RBFOX1: variants seen among roughly 807,000 people sequenced by gnomAD.
RBFOX1 encodes RNA binding fox-1 homolog 1, also known as RNA binding protein fox-1 homolog 1.
A neutral mutation model predicts 57.7 loss-of-function variants in RBFOX1; 8 were observed. The ratio of observed to expected loss-of-function variants is 0.14; its 90% CI spans 0.08 to 0.25. RBFOX1 has a LOEUF of 0.25. Among genes scored for constraint, RBFOX1 ranks in the 10% least tolerant of loss-of-function variants. The probability of loss-of-function intolerance (pLI) is 1.00; values close to 1 mark genes in which losing one functional copy is unlikely to be tolerated. For missense variants in RBFOX1, 611 were observed against 548.5 expected, an observed-to-expected ratio of 1.11 and a Z score of -1.14; for synonymous variants, 326 against 222.4, an observed-to-expected ratio of 1.47 and a Z score of -4.15.
chr16:6,250,940 C>G (rs553879902), intron 1 of RBFOX1, among the ~76,000 whole-genome samples: 1 of 151,852 alleles, frequency 6.6e-6, no homozygotes, highest in Non-Finnish European at 1.5e-5. Context: ...TGAAAGATAC[C>G]TGATTTTGTT....
At chr16:6,073,579 T>C (rs2095861473) in intron 1 of RBFOX1, among the ~76,000 whole-genome samples, 1 of 152,196 alleles carries the variant, frequency 6.6e-6, no homozygotes, top group Non-Finnish European at 1.5e-5. Context: ...TAGAACGTAA[T>C]ACACTTCCGT....
chr16:7,276,922 C>G (rs556605813), intron 4 of RBFOX1, among the ~76,000 whole-genome samples: 9 of 152,096 alleles, frequency 5.9e-5, no homozygotes, highest in Non-Finnish European at 1.0e-4. Flanking sequence ...CAGTTTGATG[C>G]GTCCCAGCAA....
intron 2 of RBFOX1, among the ~76,000 whole-genome samples, chr16:6,520,355 A>T (rs185004993): frequency 3.9e-5 from 6 of 152,162 alleles, no homozygotes; most frequent in African/African-American, 7.2e-5. Context: ...AGATTTGTCT[A>T]CCTTTCTTAG....
At chr16:6,450,787 A>ATG (rs1567302903) in intron 2 of RBFOX1, among the ~76,000 whole-genome samples, 30 of 55,724 alleles carry the variant, frequency 5.4e-4, no homozygotes, top group African/African-American at 2.3e-3. Flanking sequence ...ATATATATAT[A>ATG]TACATATATA....
intron 2 of RBFOX1, among the ~76,000 whole-genome samples, chr16:6,365,634 A>G (rs989907335): frequency 1.6e-4 from 25 of 152,300 alleles, no homozygotes; most frequent in South Asian, 2.1e-4. Context: ...GGATGAGACC[A>G]CTTCACCAAT....
chr16:6,435,237 G>A (rs4312305), intron 2 of RBFOX1, among the ~76,000 whole-genome samples: 40,490 of 151,994 alleles, frequency 0.27, 5,667 homozygotes, highest in East Asian at 0.45. Context: ...AAACTGTTGT[G>A]TAACAGATGT....
At chr16:6,831,156 T>C (rs555312704) in intron 3 of RBFOX1, among the ~76,000 whole-genome samples, 4 of 152,348 alleles carry the variant, frequency 2.6e-5, no homozygotes, top group South Asian at 2.1e-4. Context: ...TTGCTCATTA[T>C]AATTTCATTA....
chr16:7,178,321 G>C (rs921579806), intron 4 of RBFOX1, among the ~76,000 whole-genome samples: 2 of 152,152 alleles, frequency 1.3e-5, no homozygotes, highest in African/African-American at 4.8e-5. Flanking sequence ...AAAACCAAGA[G>C]GAGAAGGTCT....
chr16:5,897,684 C>A (rs770146882), intron 4 of RBFOX1, among the ~76,000 whole-genome samples: 4 of 152,172 alleles, frequency 2.6e-5, no homozygotes, highest in Non-Finnish European at 4.4e-5. Context: ...TTCATCCTGC[C>A]TGCAAGCTTC....
intron 3 of RBFOX1, among the ~76,000 whole-genome samples, chr16:5,771,682 G>A (rs755602840): frequency 2.6e-5 from 4 of 152,236 alleles, no homozygotes; most frequent in African/African-American, 7.2e-5. Flanking sequence ...GTGTTGGGAT[G>A]ACAGATGTAA....
intron 3 of RBFOX1, among the ~76,000 whole-genome samples, chr16:5,630,544 T>C (rs767763777): frequency 6.6e-6 from 1 of 152,196 alleles, no homozygotes; most frequent in Non-Finnish European, 1.5e-5. Flanking sequence ...TTCTTCAATC[T>C]CTGCCTGCAG....
rs544277392 is a variant in RBFOX1, at chr16:6,853,630, G to A, written c.-15-198427G>A. Among the ~76,000 whole-genome samples the A allele has an allele frequency of 5.9e-5, 9 of 152,240 alleles. No individual in the cohort carries two copies. In the South Asian group the frequency reaches 1.9e-3, roughly 32 times the overall value. On this transcript the variant is annotated intron_variant, in intron 3 of 15. Coordinates refer to ENST00000550418, the MANE Select transcript of RBFOX1 (RefSeq NM_018723.4). ...TGAAGCAGTTTGATGGGATTAATTT[G>A]CATGGCCCATAGTAAATGCTCTCAG... is the stretch of plus-strand genomic sequence containing the variant.
chr16:6,297,023 TG>T (rs1415929906), intron 1 of RBFOX1, among the ~76,000 whole-genome samples: 1 of 152,052 alleles, frequency 6.6e-6, no homozygotes. Context: ...AAACAAGGGG[TG>T]GGTTATTCAT....
intron 2 of RBFOX1, among the ~76,000 whole-genome samples, chr16:5,589,035 T>G (rs758133017): frequency 1.3e-5 from 2 of 152,140 alleles, no homozygotes; most frequent in Admixed American, 6.5e-5. Context: ...AAAAACTGCA[T>G]AGAGAGGGCA....
At chr16:6,544,738 T>A (rs1226683006) in intron 2 of RBFOX1, among the ~76,000 whole-genome samples, 2 of 152,162 alleles carry the variant, frequency 1.3e-5, no homozygotes, top group African/African-American at 4.8e-5. Flanking sequence ...TCCTTGTTTG[T>A]CACATGGAGA....
intron 1 of RBFOX1, among the ~76,000 whole-genome samples, chr16:5,313,880 G>A (rs1159001912): frequency 1.3e-5 from 2 of 151,944 alleles, no homozygotes; most frequent in Non-Finnish European, 2.9e-5. Flanking sequence ...AGACTTATGG[G>A]TGGGCTTTGG....
chr16:6,419,464 C>G (rs941701997), intron 2 of RBFOX1, among the ~76,000 whole-genome samples: 17 of 152,176 alleles, frequency 1.1e-4, no homozygotes, highest in Admixed American at 3.9e-4. Flanking sequence ...AGAGACAAGA[C>G]AGTGCTAAGA....
At chr16:5,579,219 A>T (rs1284588841) in intron 2 of RBFOX1, among the ~76,000 whole-genome samples, 1 of 152,006 alleles carries the variant, frequency 6.6e-6, no homozygotes, top group African/African-American at 2.4e-5. Context: ...TTCCACTAGG[A>T]TCGCCAGGCT....
At chr16:7,696,832 G>T (rs2078951967) in intron 14 of RBFOX1, among the ~76,000 whole-genome samples, 1 of 152,162 alleles carries the variant, frequency 6.6e-6, no homozygotes, top group Admixed American at 6.6e-5. Flanking sequence ...TAACATTTGA[G>T]CAGGGATCTA....
Sources: allele counts gnomAD v4.1 joint callset (sites outside exome capture counted in the v4.1 genomes callset), GRCh38; gene constraint gnomAD v4.1.1; transcripts MANE v1.5; gene names NCBI Gene and HGNC (gene_info 2026-07-23, HGNC 2026-07-21).